The following MAP3K8 variants were observed in gnomAD, a reference collection of about 807,000 sequenced individuals.
MAP3K8 encodes the protein mitogen-activated protein kinase kinase kinase 8, also known as Ewing sarcoma transformant.
A neutral mutation model predicts 45.8 loss-of-function variants in MAP3K8; 22 were observed. That is an observed-to-expected ratio of 0.48 (90% CI 0.34 to 0.69). MAP3K8 has a LOEUF of 0.69. Ranked by LOEUF, MAP3K8 falls within the 30% of genes least tolerant of loss-of-function variation. The pLI is 0.01. For missense variants in MAP3K8, 419 were observed against 585.0 expected, an observed-to-expected ratio of 0.72 and a Z score of 2.93; for synonymous variants, 223 against 214.3, an observed-to-expected ratio of 1.04 and a Z score of -0.36.
chr10:30,443,520 C>T (rs1338552422), intron 3 of MAP3K8, among the ~76,000 whole-genome samples: 7 of 152,164 alleles, frequency 4.6e-5, no homozygotes, highest in Admixed American at 3.3e-4. Flanking sequence ...ATCATCTGGG[C>T]AGGACCCTGT....
intron 3 of MAP3K8, among the ~76,000 whole-genome samples, chr10:30,446,227 G>A (rs1836329313): frequency 6.6e-6 from 1 of 151,960 alleles, no homozygotes; most frequent in Non-Finnish European, 1.5e-5. Context: ...ATAAGTTAAG[G>A]TCCTTTAATA....
At chr10:30,442,067 A>C (rs2132790051) in intron 3 of MAP3K8, among the ~76,000 whole-genome samples, 1 of 152,344 alleles carries the variant, frequency 6.6e-6, no homozygotes. Context: ...GTATTTACCT[A>C]TTCATTTGCT....
At chr10:30,439,610 G>T (rs1444602161) in intron 3 of MAP3K8, 2 of 391,706 alleles carry the variant, frequency 5.1e-6, no homozygotes, top group Admixed American at 4.1e-5. Context: ...AGCAATTAGA[G>T]ACCAGTCTGG....
chr10:30,456,187 T>C (rs190159026), intron 6 of MAP3K8, among the ~76,000 whole-genome samples: 2 of 152,354 alleles, frequency 1.3e-5, no homozygotes, highest in East Asian at 3.8e-4. Flanking sequence ...TTCTTTTTCT[T>C]TTTTATTTGA....
chr10:30,447,706 C>T, intron 3 of MAP3K8, 76 bp from the exon 4 acceptor site: 2 of 1,080,830 alleles, frequency 1.9e-6, no homozygotes, highest in Non-Finnish European at 2.8e-6. Context: ...AAATAACCAG[C>T]TTCCTAATAG....
intron 6 of MAP3K8, among the ~76,000 whole-genome samples, chr10:30,456,768 G>C (rs1836744118): frequency 6.6e-6 from 1 of 152,026 alleles, no homozygotes; most frequent in South Asian, 2.1e-4. Flanking sequence ...CAAACTCCTG[G>C]GCTCAAGCAA....
intron 3 of MAP3K8, among the ~76,000 whole-genome samples, chr10:30,442,971 CAAG>C (rs1306393301): frequency 6.6e-6 from 1 of 152,114 alleles, no homozygotes; most frequent in African/African-American, 2.4e-5. Context: ...TCTCCTGTGA[CAAG>C]GAGCTCATTA....
chr10:30,444,641 C>T (rs1174965114), intron 3 of MAP3K8, among the ~76,000 whole-genome samples: 3 of 152,250 alleles, frequency 2.0e-5, no homozygotes, highest in East Asian at 3.9e-4. Flanking sequence ...TCCCCAGAAT[C>T]TGGGAAGTTA....
intron 3 of MAP3K8, among the ~76,000 whole-genome samples, chr10:30,443,214 A>G (rs1836175300): frequency 6.6e-6 from 1 of 152,132 alleles, no homozygotes; most frequent in Non-Finnish European, 1.5e-5. Context: ...TGGGCTGGTC[A>G]TTTCACCTGT....
chr10:30,435,130 C>G (rs1049623100), intron 1 of MAP3K8, among the ~76,000 whole-genome samples: 6 of 152,212 alleles, frequency 3.9e-5, no homozygotes, highest in African/African-American at 1.4e-4. Flanking sequence ...GGGAAGGCCA[C>G]CGGCTGCCTG....
chr10:30,456,546 A>C (rs1836733203), intron 6 of MAP3K8, among the ~76,000 whole-genome samples: 1 of 152,130 alleles, frequency 6.6e-6, no homozygotes, highest in African/African-American at 2.4e-5. Context: ...ACTGACCTCC[A>C]TTCTCTTATT....
chr10:30,446,235 A>G (rs979339518), intron 3 of MAP3K8, among the ~76,000 whole-genome samples: 3 of 152,050 alleles, frequency 2.0e-5, no homozygotes, highest in African/African-American at 7.2e-5. Flanking sequence ...AGGTCCTTTA[A>G]TAGTTTCACA....
intron 4 of MAP3K8, among the ~76,000 whole-genome samples, chr10:30,449,436 A>G (rs1474268567): frequency 6.6e-6 from 1 of 151,936 alleles, no homozygotes; most frequent in Non-Finnish European, 1.5e-5. Context: ...TTTGATTTAG[A>G]TGGGGGTTAC....
chr10:30,435,578 G>A (rs949685356), intron 1 of MAP3K8, among the ~76,000 whole-genome samples: 26 of 152,184 alleles, frequency 1.7e-4, no homozygotes, highest in Admixed American at 1.1e-3. Context: ...TTGAGAGGGG[G>A]TTTCACTCTT....
intron 6 of MAP3K8, among the ~76,000 whole-genome samples, chr10:30,453,402 A>G (rs1360435532): frequency 6.6e-6 from 1 of 152,204 alleles, no homozygotes; most frequent in Non-Finnish European, 1.5e-5. Context: ...GCATAAATGT[A>G]TCTTATTTAA....
chr10:30,440,928 C>G (rs917771682), intron 3 of MAP3K8, among the ~76,000 whole-genome samples: 1 of 152,032 alleles, frequency 6.6e-6, no homozygotes, highest in African/African-American at 2.4e-5. Context: ...ATTCCGTGGC[C>G]TATCTGGGAA....
chr10:30,440,317 C>T (rs533633129), intron 3 of MAP3K8, among the ~76,000 whole-genome samples: 4 of 152,274 alleles, frequency 2.6e-5, no homozygotes, highest in East Asian at 1.9e-4. Context: ...ATGAAAGTGA[C>T]GCCCTTTCTT....
chr10:30,454,344 C>G (rs937334067), intron 6 of MAP3K8, among the ~76,000 whole-genome samples: 2 of 152,064 alleles, frequency 1.3e-5, no homozygotes, highest in Admixed American at 1.3e-4. Flanking sequence ...CCAGATTCTT[C>G]CAGCCTGGGC....
At chr10:30,435,327 T>G (rs1034264812) in intron 1 of MAP3K8, among the ~76,000 whole-genome samples, 1 of 152,094 alleles carries the variant, frequency 6.6e-6, no homozygotes, top group African/African-American at 2.4e-5. Flanking sequence ...TGCGACGGAT[T>G]GAGGTTTGTG....
Sources: gnomAD v4.1 joint callset for allele counts (sites outside exome capture counted in the v4.1 genomes callset) on GRCh38, gnomAD v4.1.1 for gene constraint, MANE v1.5 for transcripts, NCBI Gene and HGNC (gene_info 2026-07-23, HGNC 2026-07-21) for gene names.